Variants in FAM78B observed in about 807,000 individuals in gnomAD.
The protein encoded by FAM78B is family with sequence similarity 78 member B.
A neutral mutation model predicts 20.0 loss-of-function variants in FAM78B; 10 were observed. The ratio of observed to expected loss-of-function variants is 0.50; its 90% CI spans 0.31 to 0.85. The LOEUF is 0.85. FAM78B is among the 40% of genes least tolerant of loss of function. FAM78B has a pLI of 0.05. For synonymous variants in FAM78B, 135 were observed against 132.8 expected (o/e 1.02, Z -0.12); for missense variants, 283 against 345.0 (o/e 0.82, Z 1.42).
downstream of FAM78B, chr1:166,057,288 C>T (rs1456763201): frequency 6.6e-6 from 1 of 152,078 alleles, no homozygotes; most frequent in Admixed American, 6.5e-5. Context: ...CTTAGCCTGC[C>T]AGAGCTTTCC....
chr1:166,131,862 A>T (rs1457506772), intron 1 of FAM78B, among the ~76,000 whole-genome samples: 1 of 152,188 alleles, frequency 6.6e-6, no homozygotes, highest in Non-Finnish European at 1.5e-5. Flanking sequence ...ACCTGAAAAA[A>T]TCCTGCCCTC....
intron 1 of FAM78B, among the ~76,000 whole-genome samples, chr1:166,080,433 A>G (rs768323603): frequency 9.9e-5 from 15 of 152,206 alleles, no homozygotes; most frequent in Non-Finnish European, 1.6e-4. Flanking sequence ...AAAGCTGAGT[A>G]TATTAATAGT....
In FAM78B at chr1:166,116,198, C is replaced by T. The variant is rs193264722; in HGVS notation, c.264-45435G>A. 3.9e-5 allele frequency among the ~76,000 whole-genome samples: 6 copies of T among 152,174 alleles called. No homozygotes were observed. In the East Asian group the frequency reaches 5.8e-4, roughly 15 times the overall value. On this transcript the variant is annotated intron_variant, in intron 1 of 1. Transcript: ENST00000354422. ...GACAACATCCCTGTGGCATTTTCTC[C>T]GCTGTTTAACTGGGATTGCTCAGAC...
intron 1 of FAM78B, chr1:166,154,635 T>TGGG: frequency 2.1e-6 from 1 of 479,130 alleles, no homozygotes; most frequent in South Asian, 1.6e-5. Context: ...CAAACCTGGC[T>TGGG]GGGGGGCAGG....
intron 1 of FAM78B, chr1:166,087,112 C>CTGGA (rs1478715669): frequency 6.6e-6 from 1 of 152,046 alleles, no homozygotes; most frequent in African/African-American, 2.4e-5. Flanking sequence ...TTCACCCAGG[C>CTGGA]TGGAGTGCAA....
chr1:166,081,617 G>C (rs915859362), intron 1 of FAM78B, among the ~76,000 whole-genome samples: 1 of 152,158 alleles, frequency 6.6e-6, no homozygotes, highest in Non-Finnish European at 1.5e-5. Flanking sequence ...CCAGTCACTG[G>C]GACTTGTGCC....
chr1:166,114,588 C>T (rs1196567655), intron 1 of FAM78B, among the ~76,000 whole-genome samples: 1 of 152,112 alleles, frequency 6.6e-6, no homozygotes, highest in Non-Finnish European at 1.5e-5. Flanking sequence ...GGAAGGTTTC[C>T]AGCCAGGAGA....
intron 1 of FAM78B, among the ~76,000 whole-genome samples, chr1:166,086,419 G>C (rs1030613006): frequency 6.6e-6 from 1 of 152,148 alleles, no homozygotes; most frequent in Non-Finnish European, 1.5e-5. Context: ...GCTGGGCAGG[G>C]TAAGGGTGGG....
intron 1 of FAM78B, among the ~76,000 whole-genome samples, chr1:166,072,521 A>G (rs1167442259): frequency 1.3e-5 from 2 of 152,190 alleles, no homozygotes; most frequent in Non-Finnish European, 2.9e-5. Flanking sequence ...CTTACTGTAC[A>G]AAAGGGAGTA....
At chr1:166,064,454 G>T (rs1208309948), downstream of FAM78B, among the ~76,000 whole-genome samples, 2 of 152,110 alleles carry the variant, frequency 1.3e-5, no homozygotes, top group African/African-American at 4.8e-5. Context: ...TTCAAGTCTG[G>T]CCTAGACTTG....
chr1:166,103,651 A>G (rs1653631967), intron 1 of FAM78B, among the ~76,000 whole-genome samples: 1 of 152,236 alleles, frequency 6.6e-6, no homozygotes, highest in African/African-American at 2.4e-5. Flanking sequence ...AGACTAAACC[A>G]GGACGAAGTT....
chr1:166,122,460 G>T (rs1021894630), intron 1 of FAM78B, among the ~76,000 whole-genome samples: 1 of 152,192 alleles, frequency 6.6e-6, no homozygotes, highest in Admixed American at 6.5e-5. Flanking sequence ...CCATCAGTTT[G>T]ATATTTATAC....
intron 1 of FAM78B, among the ~76,000 whole-genome samples, chr1:166,141,640 A>G (rs1329241643): frequency 6.6e-6 from 1 of 152,208 alleles, no homozygotes; most frequent in Non-Finnish European, 1.5e-5. Context: ...TTTACAGATG[A>G]GTAAAGTGTA....
intron 1 of FAM78B, among the ~76,000 whole-genome samples, chr1:166,124,725 T>C (rs1654578421): frequency 6.6e-6 from 1 of 152,184 alleles, no homozygotes; most frequent in African/African-American, 2.4e-5. Context: ...GAGTCCTTCA[T>C]GAAATACTGT....
exon 3 of FAM78B, chr1:166,057,495 C>T (rs947310237): frequency 5.3e-5 from 8 of 152,210 alleles, no homozygotes; most frequent in Admixed American, 2.0e-4. Flanking sequence ...AATGCAACAT[C>T]TGTTTGAGTT....
chr1:166,154,351 C>T lies in FAM78B; in HGVS notation c.263+11635G>A, dbSNP rs74341526. ...AATCCCGGCTAAATCTCAATTTCTC[C>T]ATACTTTCCCCTTCCCTTGGGCTGC... On this transcript the variant is annotated intron_variant, in intron 1 of 1. Transcript: ENST00000354422. Among the ~76,000 whole-genome samples, 343 of 152,326 alleles carry T rather than the reference C, an allele frequency of 2.3e-3. 1 individual carries two copies. The highest frequency in any genetic ancestry group is 7.8e-3 in the African/African-American group (325 of 41,572).
chr1:166,057,809 A>G (rs1651406653), exon 3 of FAM78B: 1 of 152,230 alleles, frequency 6.6e-6, no homozygotes. Flanking sequence ...ATTAACTGAT[A>G]TAGTCAGTCA....
chr1:166,109,892 A>ATGTGTG (rs1294938255), intron 1 of FAM78B, among the ~76,000 whole-genome samples: 1 of 41,908 alleles, frequency 2.4e-5, no homozygotes, highest in African/African-American at 1.4e-4. Flanking sequence ...GTATATATGT[A>ATGTGTG]TATATATATA....
chr1:166,157,956 A>C (rs1237005930), intron 1 of FAM78B, among the ~76,000 whole-genome samples: 1 of 152,190 alleles, frequency 6.6e-6, no homozygotes, highest in Admixed American at 6.5e-5. Context: ...CCTCACAAAG[A>C]TATGGCTCTT....
Sources: gnomAD v4.1 joint callset for allele counts (sites outside exome capture counted in the v4.1 genomes callset) on GRCh38, gnomAD v4.1.1 for gene constraint, MANE v1.5 for transcripts, NCBI Gene and HGNC (gene_info 2026-07-23, HGNC 2026-07-21) for gene names.